TTC12: variants seen among roughly 807,000 people sequenced by gnomAD.
TTC12 encodes the protein tetratricopeptide repeat protein 12.
A neutral mutation model predicts 90.1 loss-of-function variants in TTC12; 70 were observed. That is an observed-to-expected ratio of 0.78 (90% confidence interval 0.64 to 0.95). The LOEUF (loss-of-function observed/expected upper bound fraction) is 0.95. Among genes scored for constraint, TTC12 ranks in the 40% least tolerant of loss-of-function variants. The probability of loss-of-function intolerance (pLI) is 0.00; values close to 1 mark genes in which losing one functional copy is unlikely to be tolerated. For synonymous variants in TTC12, 296 were observed against 311.5 expected (o/e 0.95, Z 0.53); for missense variants, 819 against 846.1 (o/e 0.97, Z 0.40).
rs2137986289 is a variant in TTC12 at position 113,338,846 on chromosome 11, C to T, written c.637+12C>T. On this transcript the variant is annotated intron_variant, in intron 9 of 21. Coordinates refer to ENST00000529221, the MANE Select transcript of TTC12 (RefSeq NM_017868.4). ...AACCCAGGTGAAAGGTGAGCACGTT[C>T]CTGCTGAGGTCCTTCATCTGAACTC... The T allele has an allele frequency of 6.2e-7, 1 of 1,613,070 alleles. No homozygotes were observed. The highest frequency in any genetic ancestry group is 8.5e-7 in the Non-Finnish European group (1 of 1,179,070).
chr11:113,348,925 A>G (rs1031972484), intron 13 of TTC12, among the ~76,000 whole-genome samples: 1 of 152,172 alleles, frequency 6.6e-6, no homozygotes, highest in African/African-American at 2.4e-5. Flanking sequence ...GCAGTCCCCA[A>G]ATGTGCTCCT....
intron 2 of TTC12, among the ~76,000 whole-genome samples, chr11:113,319,317 T>C (rs188801876): frequency 2.2e-3 from 339 of 152,124 alleles, no homozygotes; most frequent in African/African-American, 7.0e-3. Flanking sequence ...GGGTGAGAAA[T>C]TGTCGCAGCC....
intron 19 of TTC12, among the ~76,000 whole-genome samples, 189 bp from the exon 20 acceptor site, chr11:113,363,639 A>G (rs187525209): frequency 1.3e-5 from 2 of 152,268 alleles, no homozygotes; most frequent in Admixed American, 1.3e-4. Flanking sequence ...TGGGTTAGAG[A>G]GGATGCGGGT....
intron 14 of TTC12, 70 bp downstream of exon 14, chr11:113,350,235 T>C: frequency 1.6e-6 from 2 of 1,248,690 alleles, no homozygotes; most frequent in South Asian, 1.2e-5. Context: ...TCTTTAAAAA[T>C]GTGCTGTATT....
chr11:113,351,235 A>G lies in TTC12; in HGVS notation c.1248-4A>G. ...ATAAATCCTGGCTGATGGTTTCTCA[A>G]CAGATTCCAAGTCTGGTTCCAGGCC... On this transcript the variant is annotated splice_polypyrimidine_tract_variant and splice_region_variant and intron_variant, in intron 14 of 21. Transcript: ENST00000529221. 3.1e-6 allele frequency: 5 copies of G among 1,613,944 alleles called. No homozygotes were observed. Among genetic ancestry groups the G allele is most frequent in the African/African-American group, 1.3e-5 (1 of 75,048 alleles).
chr11:113,359,272 G>A (rs1478019260), intron 16 of TTC12, 91 bp from the exon 17 acceptor site: 4 of 788,594 alleles, frequency 5.1e-6, no homozygotes, highest in Non-Finnish European at 8.7e-6. Context: ...AGGGAGTGTG[G>A]GGAACTCTGA....
chr11:113,342,083 C>T (rs1490819163), intron 12 of TTC12, among the ~76,000 whole-genome samples, 158 bp downstream of exon 12: 1 of 152,150 alleles, frequency 6.6e-6, no homozygotes, highest in Non-Finnish European at 1.5e-5. Context: ...GGATCAAAAG[C>T]AAGGTAGACA....
intron 6 of TTC12, 150 bp downstream of exon 6, chr11:113,325,795 C>T (rs1555140886): frequency 2.2e-6 from 2 of 901,300 alleles, no homozygotes; most frequent in Non-Finnish European, 3.3e-6. Context: ...GACTTATACA[C>T]AGCATTTACC....
Position 113,325,572 on chromosome 11 carries a change from C to G in TTC12, c.371C>G (p.Thr124Arg). The stretch of plus-strand genomic sequence containing the variant: ...GCATTTGCTGAAGGCAATTATGAAA[C>G]AGCTATCCTGCGCTACAGTGAGGGT... Reference protein sequence around the residue: ...NEAFAEGNYETAILRYSEGLE... With the variant: ...NEAFAEGNYERAILRYSEGLE... The change falls in exon 6 of 22, where the codon ACA becomes AGA. Residue 124 changes from threonine (T) to arginine (R), a missense_variant. Physicochemically the swap from Thr to Arg is moderately conservative, Grantham distance 71. Coordinates refer to ENST00000529221, the MANE Select transcript of TTC12 (RefSeq NM_017868.4). The G allele has an allele frequency of 6.2e-7, 1 of 1,613,938 alleles. No homozygotes were observed.
rs1186275844 is a variant in TTC12, at chr11:113,352,187, G to T, written c.1426G>T (p.Asp476Tyr). 1 of 1,614,206 alleles carries T rather than the reference G, an allele frequency of 6.2e-7. No homozygotes were observed. Among genetic ancestry groups the T allele is most frequent in the Non-Finnish European group, 8.5e-7 (1 of 1,180,010 alleles). ...RHMAACEEFG[D>Y]GCLSLLARCE... ...CATGGCGGCCTGTGAGGAATTTGGG[G>T]ATGGCTGCTTGAGCCTCCTGGTATG... The change falls in exon 16 of 22, where the codon GAT (aspartate) becomes TAT (tyrosine). Residue 476 changes from aspartate (D) to tyrosine (Y), a missense_variant. By Grantham distance (160) the Asp-to-Tyr change is radical. Coordinates refer to ENST00000529221, the MANE Select transcript of TTC12 (RefSeq NM_017868.4).
chr11:113,316,188 C>T (rs558447937), intron 1 of TTC12, 55 bp from the exon 2 acceptor site: 27 of 849,280 alleles, frequency 3.2e-5, no homozygotes, highest in Non-Finnish European at 4.4e-5. Flanking sequence ...TAAGCCTGAC[C>T]GTTCTGTTTA....
chr11:113,344,495 G>A, intron 13 of TTC12, 55 bp downstream of exon 13: 1 of 1,542,628 alleles, frequency 6.5e-7, no homozygotes, highest in Non-Finnish European at 8.9e-7. Flanking sequence ...CACTTGACAA[G>A]TTCAGGCATG....
At position 113,336,453 on chromosome 11, in the gene TTC12, C is replaced by T. The variant is rs916774636; in HGVS notation, c.576+1416C>T. Among the ~76,000 whole-genome samples the T allele has an allele frequency of 4.6e-5, 7 of 152,260 alleles. No individual in the cohort carries two copies. In the East Asian group the frequency reaches 7.7e-4, roughly 17 times the overall value. ...GGTGTTATATCTAAGAAAAGATCAT[C>T]TAATCCAAGGTCAGGAAGATGTATA... On this transcript the variant is annotated intron_variant, in intron 8 of 21. Coordinates refer to ENST00000529221, the MANE Select transcript of TTC12 (RefSeq NM_017868.4).
chr11:113,340,856 T>TG (rs1466875136), intron 11 of TTC12, 123 bp downstream of exon 11: 9 of 785,256 alleles, frequency 1.1e-5, no homozygotes, highest in Admixed American at 8.0e-5. Flanking sequence ...CAGTCAGTAG[T>TG]GGGGGGCTCT....
intron 9 of TTC12, 47 bp downstream of exon 9, chr11:113,338,881 C>T: frequency 6.5e-7 from 1 of 1,548,238 alleles, no homozygotes; most frequent in Non-Finnish European, 8.9e-7. Flanking sequence ...CCACCTCCCT[C>T]TGCCCCCTGC....
intron 2 of TTC12, among the ~76,000 whole-genome samples, chr11:113,319,443 G>C (rs948986961): frequency 5.2e-4 from 79 of 151,982 alleles, no homozygotes; most frequent in Non-Finnish European, 8.1e-4. Flanking sequence ...GTGTGCAGTT[G>C]AGTTAATTTA....
chr11:113,352,019 GCATCCTTTGC>G, intron 15 of TTC12, 41 bp from the exon 16 acceptor site: 1 of 1,594,852 alleles, frequency 6.3e-7, no homozygotes, highest in Non-Finnish European at 8.5e-7. Flanking sequence ...AGATCATGCG[GCATCCTTTGC>G]CTGCTCTCTG....
At chr11:113,329,117 T>G (rs1555141903) in intron 6 of TTC12, among the ~76,000 whole-genome samples, 1 of 152,242 alleles carries the variant, frequency 6.6e-6, no homozygotes, top group African/African-American at 2.4e-5. Flanking sequence ...TGTATGGATG[T>G]ATATTTATAT....
intron 16 of TTC12, among the ~76,000 whole-genome samples, chr11:113,352,617 T>C (rs1949371785): frequency 6.6e-6 from 1 of 152,128 alleles, no homozygotes. Context: ...TCCTCCCTTC[T>C]GGCAGGCCCC....
Sources: allele counts gnomAD v4.1 joint callset (sites outside exome capture counted in the v4.1 genomes callset), GRCh38; gene constraint gnomAD v4.1.1; transcripts MANE v1.5; gene names NCBI Gene and HGNC (gene_info 2026-07-23, HGNC 2026-07-21).